Variants in NPHP4 observed in about 807,000 individuals in gnomAD.
NPHP4 encodes the protein nephrocystin 4.
NPHP4 carries 151 observed loss-of-function variants against 155.8 expected under a neutral mutation model. The observed-to-expected ratio is 0.97, with a 90% CI of 0.85 to 1.11. The LOEUF is 1.11. Ranked by LOEUF, NPHP4 falls within the 50% of genes least tolerant of loss-of-function variation. NPHP4 has a pLI of 0.00. For synonymous variants in NPHP4, 845 were observed against 816.8 expected (o/e 1.03, Z -0.59); for missense variants, 1,956 against 1,925.7 (o/e 1.02, Z -0.29).
At chr1:5,964,226 A>C (rs1434702330) in intron 5 of NPHP4, among the ~76,000 whole-genome samples, 1 of 152,240 alleles carries the variant, frequency 6.6e-6, no homozygotes, top group African/African-American at 2.4e-5. Flanking sequence ...CTGTGTCCGT[A>C]AAACGACCCC....
At chr1:5,960,981 T>C (rs1557840571) in intron 6 of NPHP4, among the ~76,000 whole-genome samples, 1 of 152,124 alleles carries the variant, frequency 6.6e-6, no homozygotes, top group Non-Finnish European at 1.5e-5. Flanking sequence ...ACATGGTCCA[T>C]CCATAGACTG....
chr1:5,910,814 A>C lies in NPHP4; in HGVS notation c.1442-1601T>G, dbSNP rs942161166. 6.6e-6 allele frequency among the ~76,000 whole-genome samples: 1 copy of C among 152,160 alleles called. No homozygotes were observed. Among genetic ancestry groups the C allele is most frequent in the African/African-American group, 2.4e-5 (1 of 41,444 alleles). On this transcript the variant is annotated intron_variant, in intron 11 of 29. Transcript: ENST00000378156. The surrounding 1 kb of genome is among the most constrained non-coding windows in gnomAD (Gnocchi z 5.4). ...AGCAGCTTCCAGAACCCATCCAAGG[A>C]GGTGCTTCCCCAGCTGCAGGATCTG... is the stretch of plus-strand genomic sequence containing the variant.
At chr1:5,967,258 C>T (rs1041785393) in intron 5 of NPHP4, 41 bp downstream of exon 5, 7 of 1,515,222 alleles carry the variant, frequency 4.6e-6, no homozygotes, top group African/African-American at 1.4e-5. Flanking sequence ...AGGGAAGGCA[C>T]GAGAGCAGTG....
At chr1:5,966,816 T>A (rs1268379792) in intron 5 of NPHP4, among the ~76,000 whole-genome samples, 1 of 152,086 alleles carries the variant, frequency 6.6e-6, no homozygotes, top group Non-Finnish European at 1.5e-5. Context: ...CAGACCGTCA[T>A]CCCCATCCTT....
chr1:5,863,379 G>A lies in NPHP4; in HGVS notation c.4167C>T (p.Ile1389=), dbSNP rs776657788. 6.5e-5 allele frequency: 105 copies of A among 1,613,980 alleles called. No homozygotes were observed. The highest frequency in any genetic ancestry group is 7.7e-5 in the Non-Finnish European group (91 of 1,179,858). Residue 1389 remains isoleucine, a synonymous_variant, in exon 30 of 30, where the codon ATC becomes ATT. Coordinates refer to ENST00000378156, the MANE Select transcript of NPHP4 (RefSeq NM_015102.5). ...FQVGGGETYT[I]GLQFAPSQRV... The stretch of plus-strand genomic sequence containing the variant: ...TCTGACTAGGCGCAAACTGCAAGCC[G>A]ATGGTGTAGGTCTCTCCACCCCCGA...
chr1:5,935,660 A>T (rs562714891), intron 9 of NPHP4, among the ~76,000 whole-genome samples: 1 of 152,312 alleles, frequency 6.6e-6, no homozygotes, highest in South Asian at 2.1e-4. Context: ...GGATCACCTG[A>T]GGTCAGGAGT....
intron 5 of NPHP4, among the ~76,000 whole-genome samples, chr1:5,964,917 T>TTATATATATATATATATATATATATATA (rs4068402): frequency 1.2e-5 from 1 of 82,640 alleles, no homozygotes. Context: ...TACATATATA[T>TTATATATATATATATATATATATATATA]TATATATATA....
chr1:5,942,587 CAA>C (rs34438938), intron 9 of NPHP4, among the ~76,000 whole-genome samples: 47 of 82,734 alleles, frequency 5.7e-4, no homozygotes, highest in Admixed American at 8.9e-4. Flanking sequence ...TCATAAATGA[CAA>C]AAAAAAAAAA....
chr1:5,941,118 A>G (rs1646791644), intron 9 of NPHP4, among the ~76,000 whole-genome samples: 1 of 152,128 alleles, frequency 6.6e-6, no homozygotes, highest in East Asian at 1.9e-4. Flanking sequence ...CCATGAGAGT[A>G]AAAGTCCAAA....
At chr1:5,909,781 G>A (rs1645089703) in intron 11 of NPHP4, among the ~76,000 whole-genome samples, 2 of 152,158 alleles carry the variant, frequency 1.3e-5, no homozygotes, top group Non-Finnish European at 2.9e-5. Flanking sequence ...GGGTCCCCCT[G>A]GAGCCAGGGA....
chr1:5,942,587 C>CAAAA (rs34438938), intron 9 of NPHP4, among the ~76,000 whole-genome samples: 2 of 82,782 alleles, frequency 2.4e-5, no homozygotes, highest in African/African-American at 4.8e-5. Flanking sequence ...TCATAAATGA[C>CAAAA]AAAAAAAAAA....
intron 10 of NPHP4, 60 bp downstream of exon 10, chr1:5,933,087 A>C (rs1646359876): frequency 7.4e-7 from 1 of 1,345,492 alleles, no homozygotes; most frequent in South Asian, 1.7e-5. Flanking sequence ...TTTGCTTTTG[A>C]AAATGAATGA....
rs923103631 is a variant in NPHP4 at position 5,867,778 on chromosome 1, T to C, written c.3434A>G (p.Lys1145Arg). The change falls in exon 24 of 30, where the codon AAG becomes AGG. Residue 1145 changes from lysine (K) to arginine (R), a missense_variant. Transcript: ENST00000378156. The surrounding 1 kb of genome is among the most constrained non-coding windows in gnomAD (Gnocchi z 4.1). ...RFYHPELSFLKKAIRLPPWHT... is the reference protein window; with the variant it reads ...RFYHPELSFLRKAIRLPPWHT... ...CCAGGGCGGCAGGCGGATGGCCTTC[T>C]TCAGGAAGGAGAGCTCCGGGTGATA... The C allele has an allele frequency of 1.2e-5, 20 of 1,612,090 alleles. No homozygotes were observed. The Admixed American group carries it at 1.8e-4, about 15-fold the overall frequency.
rs955742185 is a variant in NPHP4 at position 5,914,088 on chromosome 1, C to T, written c.1442-4875G>A. On this transcript the variant is annotated intron_variant, in intron 11 of 29. Coordinates refer to ENST00000378156, the MANE Select transcript of NPHP4 (RefSeq NM_015102.5). ...AGGCGGCCTCCCCACCAACAACCCT[C>T]TCTCACTTCCAGCGTCACCTCACCA... Among the ~76,000 whole-genome samples the T allele has an allele frequency of 2.6e-5, 4 of 151,990 alleles. No homozygotes were observed. In the East Asian group the frequency reaches 7.7e-4, roughly 29 times the overall value.
At chr1:5,869,795 G>C (rs2100539549) in intron 23 of NPHP4, among the ~76,000 whole-genome samples, 1 of 152,296 alleles carries the variant, frequency 6.6e-6, no homozygotes, top group East Asian at 1.9e-4. Context: ...GAGGAAATTA[G>C]GCAAATAAGT....
chr1:5,892,819 C>T lies in NPHP4; in HGVS notation c.2144-1791G>A, dbSNP rs1644201158. On this transcript the variant is annotated intron_variant, in intron 16 of 29. Transcript: ENST00000378156. This position sits in a 1 kb window ranked among gnomAD's most constrained non-coding sequence, Gnocchi z 4.5. ...AGAAGTCCAGGAAGCTGGCCTCCAACTGAACTAAGAAGACTCCCAGGGGCA... is the reference window on the plus strand; with the variant it reads ...AGAAGTCCAGGAAGCTGGCCTCCAATTGAACTAAGAAGACTCCCAGGGGCA... Among the ~76,000 whole-genome samples, 1 of 152,166 alleles carries T rather than the reference C, an allele frequency of 6.6e-6. No homozygotes were observed. The highest frequency in any genetic ancestry group is 6.5e-5 in the Admixed American group (1 of 15,284).
At chr1:5,900,268 T>A (rs1177011274) in intron 16 of NPHP4, among the ~76,000 whole-genome samples, 1 of 152,266 alleles carries the variant, frequency 6.6e-6, no homozygotes, top group Non-Finnish European at 1.5e-5. Flanking sequence ...CAAATGTTTC[T>A]GACAGCTTCA....
chr1:5,927,518 A>G (rs1646063355), intron 11 of NPHP4, 131 bp downstream of exon 11: 1 of 1,015,030 alleles, frequency 9.9e-7, no homozygotes, highest in South Asian at 1.9e-5. Flanking sequence ...AACAGATTCC[A>G]TTAATGCAAT....
At position 5,924,867 on chromosome 1, in the gene NPHP4, G is replaced by A. The variant is rs142205176; in HGVS notation, c.1441+2782C>T. On this transcript the variant is annotated intron_variant, in intron 11 of 29. Coordinates refer to ENST00000378156, the MANE Select transcript of NPHP4 (RefSeq NM_015102.5). ...AATGGGGTCTTGCTATGTTGCCCAGGCTGGTCTTGAACTCCTGAGCTCAAG... is the reference window on the plus strand; with the variant it reads ...AATGGGGTCTTGCTATGTTGCCCAGACTGGTCTTGAACTCCTGAGCTCAAG... Among the ~76,000 whole-genome samples, 1,123 of 152,182 alleles carry A rather than the reference G, an allele frequency of 7.4e-3. 12 individuals are homozygous for A. Among genetic ancestry groups the A allele is most frequent in the African/African-American group, 0.024 (1,016 of 41,500 alleles).
Sources: allele counts gnomAD v4.1 joint callset (sites outside exome capture counted in the v4.1 genomes callset), GRCh38; gene constraint gnomAD v4.1.1; non-coding constraint Gnocchi (gnomAD v3.1); transcripts MANE v1.5; gene names NCBI Gene and HGNC (gene_info 2026-07-23, HGNC 2026-07-21).